Variants in MS4A7 observed in about 807,000 individuals in gnomAD.
The protein encoded by MS4A7 is membrane spanning 4-domains A7.
MS4A7 carries 21 observed loss-of-function variants against 23.5 expected under a neutral mutation model. The observed-to-expected ratio is 0.89, with a 90% CI of 0.63 to 1.29. MS4A7 has a LOEUF of 1.29. MS4A7 is among the 50% of genes most tolerant of loss of function. MS4A7 has a pLI of 0.00. For missense variants in MS4A7, 263 were observed against 274.2 expected (o/e 0.96, Z 0.29); for synonymous variants, 111 against 107.4 (o/e 1.03, Z -0.21).
At position 60,386,714 on chromosome 11, in the gene MS4A7, C is replaced by A. The variant is rs377170694; in HGVS notation, c.283-3C>A. The A allele has an allele frequency of 3.7e-5, 59 of 1,611,294 alleles. No individual in the cohort carries two copies. The African/African-American group carries it at 5.3e-4, about 15-fold the overall frequency. Reference sequence around the variant, plus strand: ...ACTGATCATTTCTCTCTCTTCTGGGCAGTTTGGCATTACTGGATCCCTCTC... The same window carrying A: ...ACTGATCATTTCTCTCTCTTCTGGGAAGTTTGGCATTACTGGATCCCTCTC... On this transcript the variant is annotated splice_polypyrimidine_tract_variant and splice_region_variant and intron_variant, in intron 3 of 6. Coordinates refer to ENST00000300184, the MANE Select transcript of MS4A7 (RefSeq NM_021201.5).
rs567965501 is a variant in MS4A7, at chr11:60,389,559, A to C, written c.509A>C (p.Glu170Ala). Residue 170 changes from glutamate (E) to alanine (A), a missense_variant, in exon 5 of 7, where the codon GAA (glutamate) becomes GCA (alanine). Glu to Ala is a moderately radical substitution (Grantham distance 107, BLOSUM62 -1). Transcript: ENST00000300184. Reference sequence around the variant, plus strand: ...TCGGAGTACTATTATCCAATATATGAAATCAAAGATTGTCTCCTGACCAGT... The same window carrying C: ...TCGGAGTACTATTATCCAATATATGCAATCAAAGATTGTCTCCTGACCAGT... ...PYSEYYYPIY[E>A]IKDCLLTSVS... 3 of 1,614,084 alleles carry C rather than the reference A, an allele frequency of 1.9e-6. No individual in the cohort carries two copies. In the Admixed American group the frequency reaches 5.0e-5, roughly 27 times the overall value.
At chr11:60,382,927 C>T (rs1265041092) in intron 1 of MS4A7, among the ~76,000 whole-genome samples, 2 of 152,196 alleles carry the variant, frequency 1.3e-5, no homozygotes, top group African/African-American at 4.8e-5. Context: ...CAGTGACATG[C>T]TTCTTGACCA....
chr11:60,383,315 T>C (rs200555262), intron 2 of MS4A7, 27 bp downstream of exon 2: 2 of 1,612,728 alleles, frequency 1.2e-6, no homozygotes, highest in Non-Finnish European at 1.7e-6. Flanking sequence ...ATAAGGGGAA[T>C]ACTGAGAAAA....
At position 60,394,038 on chromosome 11, in the gene MS4A7, C is replaced by G; in HGVS notation, c.*177C>G. The G allele has an allele frequency of 5.3e-6, 2 of 374,886 alleles. 1 individual carries two copies. Among genetic ancestry groups the G allele is most frequent in the Non-Finnish European group, 8.8e-6 (2 of 227,916 alleles). The allele number at this position is 374,886 out of a possible 1,614,324, so 23.2% of individuals were successfully genotyped here. A position where few individuals can be genotyped will look rare whatever the true frequency, so the allele number is the denominator to read the frequency against. On this transcript the variant is annotated 3_prime_UTR_variant, in exon 7 of 7. Coordinates refer to ENST00000300184, the MANE Select transcript of MS4A7 (RefSeq NM_021201.5). ...TTTAATTTCTCTTGAAAATAATTTC[C>G]TCAAAGCCCAAGTCAATAAATGTTA...
chr11:60,390,733 A>G (rs2085541797), intron 5 of MS4A7, among the ~76,000 whole-genome samples: 1 of 152,196 alleles, frequency 6.6e-6, no homozygotes, highest in African/African-American at 2.4e-5. Context: ...ATTCTGAGAC[A>G]ACTGGAGTCC....
In MS4A7 at chr11:60,386,838, T is replaced by C. The variant is rs1752948821; in HGVS notation, c.339+65T>C. The C allele has an allele frequency of 2.3e-5, 31 of 1,329,718 alleles. No individual in the cohort carries two copies. The South Asian group carries it at 3.6e-4, about 15-fold the overall frequency. 82.4% of individuals were successfully genotyped at this position (1,329,718 alleles called of 1,614,324 possible). A position where few individuals can be genotyped will look rare whatever the true frequency, so the allele number is the denominator to read the frequency against. ...GAAGGAACGTCAGAGTTAATTCTTC[T>C]AGTTTAAAAATCCCTATTTTACAAT... On this transcript the variant is annotated intron_variant, in intron 4 of 6. Transcript: ENST00000300184.
chr11:60,385,083 T>C lies in MS4A7; in HGVS notation c.148-5T>C. ...AGTCTAGATTTCCTGTCTTCTCTCT[T>C]GTAGACTGTCCAGATCCTGTGTTGC... On this transcript the variant is annotated splice_polypyrimidine_tract_variant and splice_region_variant and intron_variant, in intron 2 of 6. Coordinates refer to ENST00000300184, the MANE Select transcript of MS4A7 (RefSeq NM_021201.5). 1 of 1,613,632 alleles carries C rather than the reference T, an allele frequency of 6.2e-7. No individual in the cohort carries two copies. The highest frequency in any genetic ancestry group is 8.5e-7 in the Non-Finnish European group (1 of 1,179,566).
chr11:60,379,719 G>C (rs200469231), intron 1 of MS4A7, among the ~76,000 whole-genome samples: 29 of 152,188 alleles, frequency 1.9e-4, no homozygotes, highest in Non-Finnish European at 4.0e-4. Flanking sequence ...TTTTTTAGTA[G>C]AGACGGGGTT....
intron 4 of MS4A7, chr11:60,389,148 C>T (rs1273121495): frequency 4.1e-6 from 2 of 491,226 alleles, no homozygotes; most frequent in Non-Finnish European, 3.7e-6. Context: ...GCCAGAACCC[C>T]TCTCCCTAAG....
chr11:60,382,326 G>A (rs2085439711), intron 1 of MS4A7, among the ~76,000 whole-genome samples: 1 of 152,210 alleles, frequency 6.6e-6, no homozygotes, highest in Non-Finnish European at 1.5e-5. Flanking sequence ...TCTCAATCCA[G>A]TCATGTAAAC....
chr11:60,385,065 A>T, intron 2 of MS4A7, 23 bp from the exon 3 acceptor site: 1 of 1,609,992 alleles, frequency 6.2e-7, no homozygotes, highest in Non-Finnish European at 8.5e-7. Flanking sequence ...TGCAGTCTAG[A>T]TTTCCTGTCT....
chr11:60,392,846 C>A (rs2085568900), intron 6 of MS4A7, 60 bp downstream of exon 6: 1 of 1,245,220 alleles, frequency 8.0e-7, no homozygotes, highest in Non-Finnish European at 1.2e-6. Context: ...CTACAATAAT[C>A]CAACCTCAAA....
chr11:60,383,007 G>A (rs2085446404), intron 1 of MS4A7, 122 bp from the exon 2 acceptor site: 1 of 1,079,922 alleles, frequency 9.3e-7, no homozygotes. Flanking sequence ...TGTTTCTGAA[G>A]GACAACCAGC....
chr11:60,393,427 G>A (rs2085575119), intron 6 of MS4A7, among the ~76,000 whole-genome samples: 1 of 152,102 alleles, frequency 6.6e-6, no homozygotes, highest in Non-Finnish European at 1.5e-5. Flanking sequence ...TTAATGTGAT[G>A]AGACTTTACT....
At chr11:60,384,834 T>G (rs772705257) in intron 2 of MS4A7, among the ~76,000 whole-genome samples, 15 of 151,810 alleles carry the variant, frequency 9.9e-5, no homozygotes, top group Non-Finnish European at 1.6e-4. Flanking sequence ...GTCAAGTATC[T>G]TTTTCAAAAA....
Position 60,395,381 on chromosome 11 carries a change from T to C in MS4A7, c.*1520T>C, listed in dbSNP as rs1190807367. 1 of 153,832 alleles carries C rather than the reference T, an allele frequency of 6.5e-6. No individual in the cohort carries two copies. The highest frequency in any genetic ancestry group is 1.4e-5 in the Non-Finnish European group (1 of 69,166). 9.5% of individuals were successfully genotyped at this position (153,832 alleles called of 1,614,324 possible). A position where few individuals can be genotyped will look rare whatever the true frequency, so the allele number is the denominator to read the frequency against. On this transcript the variant is annotated 3_prime_UTR_variant, in exon 7 of 7. Coordinates refer to ENST00000300184, the MANE Select transcript of MS4A7 (RefSeq NM_021201.5). ...CTTTCTACAACAAAGAATTATTGAG[T>C]CCAAATGTCATCAGTGCTCATTTTG...
Position 60,395,061 on chromosome 11 carries a change from T to C in MS4A7, c.*1200T>C, listed in dbSNP as rs560480038. The stretch of plus-strand genomic sequence containing the variant: ...TGCTCATGCTGAAAAGAATAATGTC[T>C]ATTTCTTTGTTTGGGTATTAGCTCT... On this transcript the variant is annotated 3_prime_UTR_variant, in exon 7 of 7. Transcript: ENST00000300184. 9.2e-6 allele frequency: 5 copies of C among 542,170 alleles called. No homozygotes were observed. The East Asian group carries it at 1.5e-4, about 16-fold the overall frequency. 33.6% of individuals were successfully genotyped at this position (542,170 alleles called of 1,614,324 possible).
rs201741084 is a variant in MS4A7 at position 60,393,898 on chromosome 11, A to T, written c.*37A>T. ...CCTCAGAGGAAGGAAAAGCAACTCA[A>T]CACTCATGGTCAAGTGTGATTAGAC... On this transcript the variant is annotated 3_prime_UTR_variant, in exon 7 of 7. Coordinates refer to ENST00000300184, the MANE Select transcript of MS4A7 (RefSeq NM_021201.5). The T allele has an allele frequency of 9.1e-5, 128 of 1,400,514 alleles. No individual in the cohort carries two copies. The African/African-American group carries it at 1.7e-3, about 19-fold the overall frequency. The allele number at this position is 1,400,514 out of a possible 1,614,324, so 86.8% of individuals were successfully genotyped here. A position where few individuals can be genotyped will look rare whatever the true frequency, so the allele number is the denominator to read the frequency against.
intron 4 of MS4A7, among the ~76,000 whole-genome samples, chr11:60,387,980 C>G (rs145700853): frequency 6.6e-6 from 1 of 152,220 alleles, no homozygotes; most frequent in African/African-American, 2.4e-5. Flanking sequence ...AGGCTCTGTG[C>G]GAGGTTTCCA....
Sources: allele counts gnomAD v4.1 joint callset (sites outside exome capture counted in the v4.1 genomes callset), GRCh38; gene constraint gnomAD v4.1.1; transcripts MANE v1.5; gene names NCBI Gene and HGNC (gene_info 2026-07-23, HGNC 2026-07-21).